The following HECTD4 variants were observed in gnomAD, a reference collection of about 807,000 sequenced individuals.
The protein encoded by HECTD4 is HECT domain E3 ubiquitin protein ligase 4.
A neutral mutation model predicts 471.5 loss-of-function variants in HECTD4; 114 were observed. That is an observed-to-expected ratio of 0.24 (90% CI 0.21 to 0.28). HECTD4 has a LOEUF of 0.28. HECTD4 is among the 10% of genes least tolerant of loss of function. The pLI, the probability that HECTD4 is intolerant of heterozygous loss-of-function variation, is 1.00. For synonymous variants in HECTD4, 2,012 were observed against 2,256.0 expected, an observed-to-expected ratio of 0.89 and a Z score of 3.07; for missense variants, 3,866 against 5,651.5, an observed-to-expected ratio of 0.68 and a Z score of 10.13.
chr12:112,220,765 C>G (rs1393748511), intron 44 of HECTD4, among the ~76,000 whole-genome samples: 2 of 151,994 alleles, frequency 1.3e-5, no homozygotes, highest in Non-Finnish European at 2.9e-5. Flanking sequence ...CCACTGCATT[C>G]CAGCCTGGGT....
chr12:112,272,868 C>T (rs2034445661), intron 11 of HECTD4, among the ~76,000 whole-genome samples: 1 of 152,220 alleles, frequency 6.6e-6, no homozygotes, highest in African/African-American at 2.4e-5. Flanking sequence ...TCAGCCCCCT[C>T]TGGCAGCAAA....
intron 1 of HECTD4, among the ~76,000 whole-genome samples, chr12:112,332,837 C>T (rs1312325994): frequency 1.3e-5 from 2 of 151,164 alleles, no homozygotes; most frequent in Non-Finnish European, 2.9e-5. Flanking sequence ...AAATCCTGAA[C>T]CCATTAGCAG....
At chr12:112,283,394 A>C in intron 7 of HECTD4, 92 bp from the exon 8 acceptor site, 1 of 1,004,152 alleles carries the variant, frequency 1.0e-6, no homozygotes, top group South Asian at 1.8e-5. Flanking sequence ...GTAAATAAAA[A>C]ATATTTCAAA....
At chr12:112,317,942 G>A (rs376791537) in intron 2 of HECTD4, among the ~76,000 whole-genome samples, 1 of 108,824 alleles carries the variant, frequency 9.2e-6, no homozygotes, top group Non-Finnish European at 1.7e-5. Flanking sequence ...GTCTTTGAGA[G>A]CAAGACCCCA....
Position 112,185,489 on chromosome 12 carries a change from G to A in HECTD4, c.9477C>T (p.Asn3159=), listed in dbSNP as rs747175349. 10 of 1,541,104 alleles carry A rather than the reference G, an allele frequency of 6.5e-6. No homozygotes were observed. In the Admixed American group the frequency reaches 2.0e-4, roughly 31 times the overall value. Residue 3159 remains asparagine (N), a synonymous_variant, in exon 61 of 76, where the codon AAC becomes AAT. Transcript: ENST00000682272. ...VLLQVVELLG[N]FLWTTDMAAC... Reference sequence around the variant, plus strand: ...CTGCCATGTCCGTGGTCCACAAGAAGTTTCCTGAGGCAAATGAAAATAGTA... The same window carrying A: ...CTGCCATGTCCGTGGTCCACAAGAAATTTCCTGAGGCAAATGAAAATAGTA...
At chr12:112,187,840 A>C (rs2031933469) in intron 60 of HECTD4, among the ~76,000 whole-genome samples, 3 of 146,262 alleles carry the variant, frequency 2.1e-5, no homozygotes, top group South Asian at 4.4e-4. Context: ...GTTAGCCAGG[A>C]TGGTCTTGAT....
Position 112,185,396 on chromosome 12 carries a change from C to T in HECTD4, c.9570G>A (p.Gln3190=), listed in dbSNP as rs761808299. ...AGGACAGGCCAGCGGGGTGCCGCCT[C>T]TGCTCCAGGGTGTGCACCGTGCGCA... is the stretch of plus-strand genomic sequence containing the variant. ...ELLRTVHTLE[Q]RRHPAGLSSS... The change falls in exon 61 of 76, where the codon CAG becomes CAA. Residue 3190 remains glutamine, a synonymous_variant. Coordinates refer to ENST00000682272, the MANE Select transcript of HECTD4 (RefSeq NM_001388303.1). The T allele has an allele frequency of 6.2e-7, 1 of 1,612,676 alleles. No homozygotes were observed. The highest frequency in any genetic ancestry group is 8.5e-7 in the Non-Finnish European group (1 of 1,179,652).
At chr12:112,284,281 ACC>A (rs2034704045) in intron 7 of HECTD4, among the ~76,000 whole-genome samples, 1 of 152,038 alleles carries the variant, frequency 6.6e-6, no homozygotes, top group African/African-American at 2.4e-5. Context: ...TTAAAATATC[ACC>A]CCTTTTGTCA....
chr12:112,234,194 A>G (rs1415129833), intron 37 of HECTD4, among the ~76,000 whole-genome samples: 1 of 152,242 alleles, frequency 6.6e-6, no homozygotes, highest in East Asian at 1.9e-4. Context: ...AGAGCTAAGA[A>G]AAAATTTATT....
At position 112,163,574 on chromosome 12, in the gene HECTD4, C is replaced by T. The variant is rs1472894941; in HGVS notation, c.12865G>A (p.Gly4289Ser). 14 of 1,498,452 alleles carry T rather than the reference C, an allele frequency of 9.3e-6. No homozygotes were observed. The highest frequency in any genetic ancestry group is 4.2e-5 in the African/African-American group (3 of 71,178). The allele number at this position is 1,498,452 out of a possible 1,614,324, so 92.8% of individuals were successfully genotyped here. ...AACTCGAGGTTGATGTAGGGGAGGC[C>T]GCAGGTGCGCAGCTCCATCTCCAGT... ...SPLEMELRTCGLPYINLEFLK... is the reference protein window; with the variant it reads ...SPLEMELRTCSLPYINLEFLK... Residue 4289 changes from glycine (G) to serine (S), a missense_variant, in exon 74 of 76, where the codon GGC becomes AGC. Around this residue, in one of 16 missense-constraint regions of HECTD4, gnomAD observed 715 missense variants for 1,087.6 expected, o/e 0.66. Transcript: ENST00000682272. The surrounding 1 kb of genome is among the most constrained non-coding windows in gnomAD (Gnocchi z 8.2).
At chr12:112,231,783 A>G in intron 38 of HECTD4, 68 bp from the exon 39 acceptor site, 1 of 1,325,822 alleles carries the variant, frequency 7.5e-7, no homozygotes. Context: ...TTTCAAGTCT[A>G]TTTCCCCTCA....
chr12:112,171,348 C>A, intron 67 of HECTD4, 85 bp from the exon 68 acceptor site: 1 of 1,532,470 alleles, frequency 6.5e-7, no homozygotes, highest in Non-Finnish European at 8.7e-7. Flanking sequence ...AACCCTATCA[C>A]TGCGAACAGG....
chr12:112,254,148 C>T lies in HECTD4; in HGVS notation c.3342G>A (p.Ala1114=), dbSNP rs572755353. The T allele has an allele frequency of 5.6e-6, 9 of 1,613,734 alleles. No homozygotes were observed. The highest frequency in any genetic ancestry group is 2.2e-5 in the East Asian group (1 of 44,880). ...CCTTCCTACTGTTTGTGTTAGGCCC[C>T]GCATATATCACCAACTTCAAAACAG... The part of the protein sequence containing the change: ...QYDYDKLVIY[A]GPNTNSRKVA... Residue 1114 remains alanine (A), a synonymous_variant, in exon 22 of 76, where the codon GCG becomes GCA. Transcript: ENST00000682272.
Position 112,178,965 on chromosome 12 carries a change from G to A in HECTD4, c.11329C>T (p.Pro3777Ser), listed in dbSNP as rs777693549. 6.2e-7 allele frequency: 1 copy of A among 1,612,904 alleles called. No individual in the cohort carries two copies. The highest frequency in any genetic ancestry group is 1.1e-5 in the South Asian group (1 of 90,916). The change falls in exon 64 of 76, where the codon CCC becomes TCC. Residue 3777 changes from proline to serine, a missense_variant. By Grantham distance (74) the Pro-to-Ser change is moderately conservative (BLOSUM62 -1). Around this residue, in one of 16 missense-constraint regions of HECTD4, gnomAD observed 715 missense variants for 1,087.6 expected, o/e 0.66. Transcript: ENST00000682272. ...TTGAGCACAGCCTTGTCCTTGGCGGGCGGCTTGGTGATAGGCCGCTTGGTG... is the reference window on the plus strand; with the variant it reads ...TTGAGCACAGCCTTGTCCTTGGCGGACGGCTTGGTGATAGGCCGCTTGGTG... ...VSTKRPITKP[P>S]AKDKAVLNSV...
intron 8 of HECTD4, among the ~76,000 whole-genome samples, chr12:112,280,423 C>T (rs899593425): frequency 2.6e-5 from 4 of 152,090 alleles, no homozygotes; most frequent in Non-Finnish European, 4.4e-5. Context: ...GAGTGCTTTA[C>T]TTAGAAAGCT....
At chr12:112,280,435 T>C (rs1262360047) in intron 8 of HECTD4, among the ~76,000 whole-genome samples, 1 of 152,218 alleles carries the variant, frequency 6.6e-6, no homozygotes, top group Non-Finnish European at 1.5e-5. Context: ...TAGAAAGCTG[T>C]CAGGCTATAA....
intron 17 of HECTD4, chr12:112,262,121 A>C (rs555281699): frequency 6.6e-6 from 1 of 152,206 alleles, no homozygotes; most frequent in Non-Finnish European, 1.5e-5. Flanking sequence ...AAAAAAATAC[A>C]AACTCTTTGG....
At chr12:112,169,870 G>T in intron 69 of HECTD4, 1 of 621,074 alleles carries the variant, frequency 1.6e-6, no homozygotes, top group Non-Finnish European at 2.8e-6. Flanking sequence ...GCCCTCCTGG[G>T]CCCCCAGTGC....
In HECTD4 at chr12:112,194,783, A is replaced by G; in HGVS notation, c.8749+102T>C. 1 of 1,080,274 alleles carries G rather than the reference A, an allele frequency of 9.3e-7. No homozygotes were observed. Among genetic ancestry groups the G allele is most frequent in the Non-Finnish European group, 1.3e-6 (1 of 742,978 alleles). The allele number at this position is 1,080,274 out of a possible 1,614,324, so 66.9% of individuals were successfully genotyped here. A position where few individuals can be genotyped will look rare whatever the true frequency, so the allele number is the denominator to read the frequency against. The stretch of plus-strand genomic sequence containing the variant: ...CAATTTCTCACGTGAGCCTATGCGC[A>G]CCATGAGGCATTTCTCGCCCTCATG... On this transcript the variant is annotated intron_variant, in intron 56 of 75. Transcript: ENST00000682272. This position sits in a 1 kb window ranked among gnomAD's most constrained non-coding sequence, Gnocchi z 4.6.
Sources: allele counts gnomAD v4.1 joint callset (sites outside exome capture counted in the v4.1 genomes callset), GRCh38; gene constraint gnomAD v4.1.1; regional missense constraint gnomAD v4.1.1; non-coding constraint Gnocchi (gnomAD v3.1); transcripts MANE v1.5; gene names NCBI Gene and HGNC (gene_info 2026-07-23, HGNC 2026-07-21).